Variants in ZEB1 observed in about 807,000 individuals in gnomAD.
The protein encoded by ZEB1 is zinc finger E-box-binding homeobox 1.
Under a neutral mutation model 84.9 loss-of-function variants are expected in ZEB1, and 21 were observed. That is an observed-to-expected ratio of 0.25 (90% CI 0.18 to 0.36). The LOEUF is 0.36. Ranked by LOEUF, ZEB1 falls within the 10% of genes least tolerant of loss-of-function variation. ZEB1 has a pLI of 1.00. For missense variants in ZEB1, 1,104 were observed against 1,330.2 expected (o/e 0.83, Z 2.65); for synonymous variants, 420 against 471.1 (o/e 0.89, Z 1.41).
intron 1 of ZEB1, among the ~76,000 whole-genome samples, chr10:31,409,082 A>G (rs892663682): frequency 4.6e-5 from 7 of 152,220 alleles, no homozygotes; most frequent in Admixed American, 2.0e-4. Flanking sequence ...AAAAGTGGGC[A>G]AAGGACATGA....
intron 1 of ZEB1, among the ~76,000 whole-genome samples, chr10:31,450,409 T>C (rs768855856): frequency 8.6e-5 from 13 of 150,648 alleles, no homozygotes; most frequent in Non-Finnish European, 1.5e-4. Context: ...GTTGGAAAGA[T>C]ATTGATTTTT....
At chr10:31,451,700 C>T (rs1374194706) in intron 1 of ZEB1, among the ~76,000 whole-genome samples, 1 of 152,134 alleles carries the variant, frequency 6.6e-6, no homozygotes. Context: ...ACTGTTTCAT[C>T]TATCTGTGAG....
At chr10:31,463,514 A>G (rs1366905048) in intron 2 of ZEB1, among the ~76,000 whole-genome samples, 4 of 152,168 alleles carry the variant, frequency 2.6e-5, no homozygotes, top group African/African-American at 9.7e-5. Context: ...AGAGGAAACA[A>G]AGCCCAAGAC....
intron 1 of ZEB1, among the ~76,000 whole-genome samples, chr10:31,356,124 ATACTTTCAGGTAACTTG>A (rs1252176911): frequency 2.6e-5 from 4 of 152,126 alleles, no homozygotes; most frequent in African/African-American, 9.7e-5. Context: ...TATCTCTAAA[ATACTTTCAGGTAACTTG>A]TACTTAATGT....
chr10:31,510,187 A>G (rs548918780), intron 4 of ZEB1, among the ~76,000 whole-genome samples: 1 of 152,258 alleles, frequency 6.6e-6, no homozygotes, highest in African/African-American at 2.4e-5. Flanking sequence ...TTACTCTTTG[A>G]TGATGATGAC....
chr10:31,484,389 A>G (rs1405017092), intron 2 of ZEB1, among the ~76,000 whole-genome samples: 1 of 152,020 alleles, frequency 6.6e-6, no homozygotes, highest in Non-Finnish European at 1.5e-5. Context: ...TGTGTCAAGT[A>G]ATGTTCTAAA....
At chr10:31,524,566 C>A (rs945443116) in intron 8 of ZEB1, among the ~76,000 whole-genome samples, 2 of 152,044 alleles carry the variant, frequency 1.3e-5, no homozygotes, top group East Asian at 3.9e-4. Context: ...CCTGTTTGCC[C>A]ACTTCTACCT....
chr10:31,327,913 C>A (rs776571024), intron 1 of ZEB1, among the ~76,000 whole-genome samples: 3 of 152,070 alleles, frequency 2.0e-5, no homozygotes, highest in African/African-American at 4.8e-5. Flanking sequence ...GGAGGTTGAT[C>A]ATTTCTTCAT....
intron 1 of ZEB1, among the ~76,000 whole-genome samples, chr10:31,403,542 A>T (rs551122995): frequency 6.6e-6 from 1 of 152,078 alleles, no homozygotes; most frequent in Non-Finnish European, 1.5e-5. Context: ...TCTTAGATGG[A>T]ATAATGATCT....
chr10:31,341,014 T>A (rs981978621), intron 1 of ZEB1, among the ~76,000 whole-genome samples: 2 of 152,120 alleles, frequency 1.3e-5, no homozygotes, highest in Non-Finnish European at 2.9e-5. Flanking sequence ...GAGTTGAGTC[T>A]GGAGAGATAC....
intron 1 of ZEB1, among the ~76,000 whole-genome samples, chr10:31,424,520 T>C (rs988236552): frequency 2.6e-5 from 4 of 152,026 alleles, no homozygotes; most frequent in African/African-American, 7.2e-5. Context: ...TACACAGTTC[T>C]GTTGTACGTT....
intron 1 of ZEB1, among the ~76,000 whole-genome samples, chr10:31,408,850 C>T (rs1476907120): frequency 6.6e-6 from 1 of 150,522 alleles, no homozygotes; most frequent in Non-Finnish European, 1.5e-5. Flanking sequence ...GACTTCATGT[C>T]TAAAACACCA....
At chr10:31,348,696 T>C (rs1293049455) in intron 1 of ZEB1, among the ~76,000 whole-genome samples, 1 of 152,188 alleles carries the variant, frequency 6.6e-6, no homozygotes, top group African/African-American at 2.4e-5. Flanking sequence ...TGTGTAACTT[T>C]CCAAAAGAAG....
intron 1 of ZEB1, among the ~76,000 whole-genome samples, chr10:31,362,016 G>A (rs2043229389): frequency 6.6e-6 from 1 of 150,404 alleles, no homozygotes; most frequent in African/African-American, 2.5e-5. Context: ...CTGGGCAGAG[G>A]CACTCCTCGC....
At chr10:31,391,890 C>G (rs2049808148) in intron 1 of ZEB1, among the ~76,000 whole-genome samples, 1 of 152,102 alleles carries the variant, frequency 6.6e-6, no homozygotes, top group African/African-American at 2.4e-5. Flanking sequence ...ATCATATTCT[C>G]AGAGGATTTC....
chr10:31,333,623 GA>G (rs2037300454), intron 1 of ZEB1, among the ~76,000 whole-genome samples: 1 of 151,506 alleles, frequency 6.6e-6, no homozygotes, highest in Admixed American at 6.6e-5. Context: ...TATTCAATCT[GA>G]AAAAAAGGTA....
At chr10:31,446,388 A>C (rs2059782064) in intron 1 of ZEB1, among the ~76,000 whole-genome samples, 3 of 151,832 alleles carry the variant, frequency 2.0e-5, no homozygotes, top group Non-Finnish European at 4.4e-5. Context: ...GATTTTTTGA[A>C]GGGTTTTTTG....
At chr10:31,378,132 AC>A (rs1290524485) in intron 1 of ZEB1, among the ~76,000 whole-genome samples, 1 of 151,174 alleles carries the variant, frequency 6.6e-6, no homozygotes. Context: ...ATGTATACTC[AC>A]GTCTGCTTTA....
chr10:31,439,711 C>T (rs1218990790), intron 1 of ZEB1, among the ~76,000 whole-genome samples: 1 of 151,990 alleles, frequency 6.6e-6, no homozygotes, highest in East Asian at 1.9e-4. Context: ...TCATAGGAGA[C>T]CTCCCTGAGG....
Sources: gnomAD v4.1 joint callset for allele counts (sites outside exome capture counted in the v4.1 genomes callset) on GRCh38, gnomAD v4.1.1 for gene constraint, MANE v1.5 for transcripts, NCBI Gene and HGNC (gene_info 2026-07-23, HGNC 2026-07-21) for gene names.